C11orf16: variants seen among roughly 807,000 people sequenced by gnomAD.
C11orf16 encodes the protein uncharacterized protein C11orf16.
A neutral mutation model predicts 45.1 loss-of-function variants in C11orf16; 38 were observed. The observed-to-expected ratio is 0.84, with a 90% CI of 0.65 to 1.10. C11orf16 has a LOEUF of 1.10. Among genes scored for constraint, C11orf16 ranks in the 50% least tolerant of loss-of-function variants. C11orf16 has a pLI of 0.00. For missense variants in C11orf16, 583 were observed against 569.5 expected (o/e 1.02, Z -0.24); for synonymous variants, 221 against 222.0 (o/e 1.00, Z 0.04).
At chr11:8,930,257 C>A (rs961331002) in intron 2 of C11orf16, among the ~76,000 whole-genome samples, 1 of 151,752 alleles carries the variant, frequency 6.6e-6, no homozygotes, top group Non-Finnish European at 1.5e-5. Context: ...GAAACCCCAC[C>A]TCTACTAAAA....
At chr11:8,929,607 G>T in intron 2 of C11orf16, 74 bp from the exon 3 acceptor site, 2 of 1,364,668 alleles carry the variant, frequency 1.5e-6, no homozygotes, top group Non-Finnish European at 2.0e-6. Context: ...CGTTTCGCAG[G>T]TACATCTGAG....
At chr11:8,929,307 T>C (rs1294945973) in intron 3 of C11orf16, 70 bp downstream of exon 3, 4 of 1,510,702 alleles carry the variant, frequency 2.6e-6, no homozygotes, top group Non-Finnish European at 3.6e-6. Context: ...TGTACACAGC[T>C]AAGGCATGTC....
rs1217901916 is a variant in C11orf16 at position 8,929,497 on chromosome 11, G to A, written c.204C>T (p.Asp68=). The A allele has an allele frequency of 6.2e-7, 1 of 1,614,016 alleles. No homozygotes were observed. Among genetic ancestry groups the A allele is most frequent in the South Asian group, 1.1e-5 (1 of 91,062 alleles). Residue 68 remains aspartate (D), a synonymous_variant, in exon 3 of 7, where the codon GAC becomes GAT. Transcript: ENST00000326053. ...ASSCPCLHVA[D]PAWQGPGWLG... is the part of the protein sequence containing the mutation. ...GCCAGCCAGGCCCCTGCCATGCTGGGTCGGCAACGTGGAGACATGGGCAAG... is the reference window on the plus strand; with the variant it reads ...GCCAGCCAGGCCCCTGCCATGCTGGATCGGCAACGTGGAGACATGGGCAAG...
chr11:8,923,592 A>G (rs1293531521), intron 5 of C11orf16, among the ~76,000 whole-genome samples: 9 of 152,082 alleles, frequency 5.9e-5, no homozygotes, highest in Admixed American at 5.9e-4. Flanking sequence ...TTTCTTTCGA[A>G]TGGAGAAAGA....
intron 4 of C11orf16, among the ~76,000 whole-genome samples, chr11:8,926,510 C>T (rs10769975): frequency 0.59 from 89,549 of 151,308 alleles, 27,124 homozygotes; most frequent in East Asian, 0.69. Flanking sequence ...TCCTGGACTA[C>T]AGTGGCCTGC....
intron 3 of C11orf16, among the ~76,000 whole-genome samples, chr11:8,928,574 G>A (rs1174143253): frequency 6.6e-6 from 1 of 152,218 alleles, no homozygotes; most frequent in East Asian, 1.9e-4. Context: ...AGGCTGGAGT[G>A]CAATGATGCC....
At chr11:8,923,277 G>A (rs1211660418) in intron 5 of C11orf16, among the ~76,000 whole-genome samples, 1 of 152,176 alleles carries the variant, frequency 6.6e-6, no homozygotes, top group Non-Finnish European at 1.5e-5. Context: ...GCAAGTCACA[G>A]CAATGGGAAC....
rs78389424 is a variant in C11orf16 at position 8,930,287 on chromosome 11, G to C, written c.168-754C>G. 3.2e-3 allele frequency among the ~76,000 whole-genome samples: 486 copies of C among 151,954 alleles called. 7 individuals are homozygous for C. Among genetic ancestry groups the C allele is most frequent in the African/African-American group, 0.011 (463 of 41,398 alleles). On this transcript the variant is annotated intron_variant, in intron 2 of 6. Coordinates refer to ENST00000326053, the MANE Select transcript of C11orf16 (RefSeq NM_020643.3). ...CTAAAAATACAAAAATTAGGTGGGC[G>C]TGGTGGTGGGTGCCTGTAGTCTCAG...
chr11:8,926,743 A>G (rs2064616651), intron 4 of C11orf16, among the ~76,000 whole-genome samples, 197 bp downstream of exon 4: 1 of 151,756 alleles, frequency 6.6e-6, no homozygotes, highest in African/African-American at 2.4e-5. Flanking sequence ...TTTTTTTTTT[A>G]ATAATCTGAA....
chr11:8,931,362 T>A (rs1390159757), intron 2 of C11orf16, among the ~76,000 whole-genome samples: 4 of 152,162 alleles, frequency 2.6e-5, no homozygotes, highest in African/African-American at 9.7e-5. Flanking sequence ...TAGCTGGGAA[T>A]ACAGGCATGT....
chr11:8,927,520 CT>C, intron 3 of C11orf16: 1 of 447,354 alleles, frequency 2.2e-6, no homozygotes, highest in Non-Finnish European at 4.4e-6. Context: ...CTCCCTGGAC[CT>C]TTTCTCAATG....
intron 5 of C11orf16, among the ~76,000 whole-genome samples, chr11:8,922,835 C>T (rs532269129): frequency 4.7e-4 from 71 of 152,294 alleles, no homozygotes; most frequent in African/African-American, 1.7e-3. Context: ...TTGTTTCAGC[C>T]CTGACCCTGG....
At chr11:8,927,727 A>C (rs1173956823) in intron 3 of C11orf16, 4 of 453,366 alleles carry the variant, frequency 8.8e-6, no homozygotes, top group African/African-American at 8.0e-5. Flanking sequence ...ATGAATAGCA[A>C]AAGTGAGAGA....
At chr11:8,931,579 G>A (rs905074161) in intron 2 of C11orf16, among the ~76,000 whole-genome samples, 1 of 152,050 alleles carries the variant, frequency 6.6e-6, no homozygotes, top group East Asian at 1.9e-4. Context: ...TAGTAGAGAC[G>A]GGGTTTCACC....
intron 2 of C11orf16, among the ~76,000 whole-genome samples, chr11:8,931,492 G>A (rs1387785100): frequency 1.3e-5 from 2 of 152,136 alleles, no homozygotes; most frequent in East Asian, 3.9e-4. Context: ...CCGAGTTCAA[G>A]CAATTCTCTG....
In C11orf16 at chr11:8,925,984, G is replaced by T; in HGVS notation, c.683C>A (p.Ser228Tyr). Residue 228 changes from serine to tyrosine, a missense_variant, in exon 5 of 7, where the codon TCT becomes TAT. By Grantham distance (144) the Ser-to-Tyr change is moderately radical. Transcript: ENST00000326053. Reference sequence around the variant, plus strand: ...GGGCCTGGGGTGCTCCCTGGTGAAAGACTTGTGCAGCCTCTCCACAGCCTT... The same window carrying T: ...GGGCCTGGGGTGCTCCCTGGTGAAATACTTGTGCAGCCTCTCCACAGCCTT... ...WKKAVERLHK[S>Y]FTREHPRPLH... The T allele has an allele frequency of 2.5e-6, 4 of 1,614,102 alleles. No homozygotes were observed. The highest frequency in any genetic ancestry group is 3.4e-6 in the Non-Finnish European group (4 of 1,180,020).
At chr11:8,931,969 G>A (rs1402579726) in intron 2 of C11orf16, among the ~76,000 whole-genome samples, 173 bp downstream of exon 2, 3 of 152,242 alleles carry the variant, frequency 2.0e-5, no homozygotes, top group Non-Finnish European at 4.4e-5. Flanking sequence ...GGAGCACAAT[G>A]TAGGCTGGAG....
chr11:8,927,510 C>T, intron 3 of C11orf16: 2 of 423,600 alleles, frequency 4.7e-6, no homozygotes, highest in South Asian at 1.8e-5. Flanking sequence ...TACCTGGGTC[C>T]TCCCTGGACC....
At chr11:8,929,807 A>G (rs558898098) in intron 2 of C11orf16, among the ~76,000 whole-genome samples, 1 of 152,190 alleles carries the variant, frequency 6.6e-6, no homozygotes, top group Non-Finnish European at 1.5e-5. Flanking sequence ...ATTCAAGTTA[A>G]TTGATGCTTG....
Sources: gnomAD v4.1 joint callset for allele counts (sites outside exome capture counted in the v4.1 genomes callset) on GRCh38, gnomAD v4.1.1 for gene constraint, MANE v1.5 for transcripts, NCBI Gene and HGNC (gene_info 2026-07-23, HGNC 2026-07-21) for gene names.